Variants in BMAL1 observed in about 807,000 individuals in gnomAD.
BMAL1 encodes basic helix-loop-helix ARNT like 1.
the BMAL1 span, among the ~76,000 whole-genome samples, chr11:13,336,435 GGGA>G: frequency 6.6e-6 from 1 of 152,124 alleles, no homozygotes; most frequent in Non-Finnish European, 1.5e-5. Flanking sequence ...GACTGACTCT[GGGA>G]GCTGTGGGCA....
the BMAL1 span, among the ~76,000 whole-genome samples, chr11:13,371,191 G>T: frequency 6.6e-6 from 1 of 152,194 alleles, no homozygotes; most frequent in Admixed American, 6.5e-5. Context: ...ACTCCATAGT[G>T]GTTTGCTTGT....
the BMAL1 span, among the ~76,000 whole-genome samples, chr11:13,288,393 T>TC: frequency 1.5e-4 from 3 of 20,478 alleles, no homozygotes; most frequent in East Asian, 0.019. Flanking sequence ...GGGATTTTCT[T>TC]TTTTCTTTCT....
the BMAL1 span, among the ~76,000 whole-genome samples, chr11:13,282,753 A>G: frequency 1.3e-5 from 2 of 152,338 alleles, no homozygotes; most frequent in East Asian, 1.9e-4. Flanking sequence ...CTCTGAAAAT[A>G]TCTCACCTGC....
chr11:13,306,483 G>C, the BMAL1 span, among the ~76,000 whole-genome samples: 11 of 152,250 alleles, frequency 7.2e-5, no homozygotes, highest in African/African-American at 2.4e-4. Flanking sequence ...GGGTCTAAGC[G>C]TGGCAGAGGG....
the BMAL1 span, among the ~76,000 whole-genome samples, chr11:13,281,036 C>T: frequency 1.4e-4 from 21 of 152,290 alleles, 1 homozygote; most frequent in African/African-American, 4.3e-4. Flanking sequence ...GCAGTGCCTG[C>T]CTCGTGGAGT....
chr11:13,385,892 G>A, the BMAL1 span: 1 of 845,638 alleles, frequency 1.2e-6, no homozygotes, highest in Non-Finnish European at 1.9e-6. Flanking sequence ...GCTAATCCTA[G>A]ATAAATTTGA....
the BMAL1 span, chr11:13,378,340 G>T: frequency 6.2e-7 from 1 of 1,607,444 alleles, no homozygotes; most frequent in African/African-American, 1.3e-5. Flanking sequence ...GTTGTAGGTG[G>T]CCCAAAGAGG....
At chr11:13,282,733 G>T in the BMAL1 span, among the ~76,000 whole-genome samples, 1 of 152,204 alleles carries the variant, frequency 6.6e-6, no homozygotes, top group South Asian at 2.1e-4. Flanking sequence ...TCCATATTGT[G>T]TTGGGCTGTC....
chr11:13,337,020 A>C, the BMAL1 span, among the ~76,000 whole-genome samples: 2 of 152,242 alleles, frequency 1.3e-5, no homozygotes, highest in African/African-American at 4.8e-5. Flanking sequence ...AAAGTAACAC[A>C]ACCTCATAAG....
At chr11:13,366,855 C>T in the BMAL1 span, 9 of 1,237,472 alleles carry the variant, frequency 7.3e-6, no homozygotes, top group Middle Eastern at 5.9e-4. Flanking sequence ...GAGCAGAGGG[C>T]GGGTGTGTGT....
the BMAL1 span, chr11:13,277,196 T>C: frequency 6.6e-6 from 1 of 152,296 alleles, no homozygotes; most frequent in Non-Finnish European, 1.5e-5. Flanking sequence ...GTTCCTAAAA[T>C]TGGTTTCCTA....
chr11:13,298,690 C>T, the BMAL1 span, among the ~76,000 whole-genome samples: 7 of 152,078 alleles, frequency 4.6e-5, no homozygotes, highest in East Asian at 1.9e-4. Context: ...GTATTGGGTA[C>T]GGTGCTTAGC....
chr11:13,298,291 A>C, the BMAL1 span, among the ~76,000 whole-genome samples: 101,038 of 152,048 alleles, frequency 0.66, 33,851 homozygotes, highest in Non-Finnish European at 0.71. Flanking sequence ...TTCCTGTTTA[A>C]GCTCTCCCTA....
At chr11:13,354,570 C>CT in the BMAL1 span, 1 of 1,363,882 alleles carries the variant, frequency 7.3e-7, no homozygotes, top group East Asian at 2.5e-5. Context: ...AAACCCAACT[C>CT]TAGGTGGCGA....
At chr11:13,363,595 C>G in the BMAL1 span, among the ~76,000 whole-genome samples, 1 of 152,174 alleles carries the variant, frequency 6.6e-6, no homozygotes, top group Non-Finnish European at 1.5e-5. Flanking sequence ...CTCAGCAATG[C>G]AAAATGGACA....
At chr11:13,332,962 C>CT in the BMAL1 span, among the ~76,000 whole-genome samples, 152 of 141,120 alleles carry the variant, frequency 1.1e-3, no homozygotes, top group East Asian at 2.0e-3. Context: ...TCGATACTGT[C>CT]TTTTTTTTTT....
chr11:13,352,999 C>T, the BMAL1 span, among the ~76,000 whole-genome samples: 8 of 152,216 alleles, frequency 5.3e-5, no homozygotes, highest in African/African-American at 1.7e-4. Context: ...TTTTAAAATA[C>T]GAGTTCTCAA....
the BMAL1 span, among the ~76,000 whole-genome samples, chr11:13,341,305 C>T: frequency 6.6e-6 from 1 of 152,220 alleles, no homozygotes; most frequent in East Asian, 1.9e-4. Context: ...CCCACCACCC[C>T]ACTTTGTAGT....
At chr11:13,376,552 G>A in the BMAL1 span, 1 of 1,254,148 alleles carries the variant, frequency 8.0e-7, no homozygotes, top group South Asian at 1.2e-5. Context: ...CAGGTCCAGA[G>A]TGGACACCGG....
Sources: gnomAD v4.1 joint callset for allele counts (sites outside exome capture counted in the v4.1 genomes callset) on GRCh38, gnomAD v4.1.1 for gene constraint, MANE v1.5 for transcripts, NCBI Gene and HGNC (gene_info 2026-07-23, HGNC 2026-07-21) for gene names.